The following RETREG1 variants were observed in gnomAD, a reference collection of about 807,000 sequenced individuals.
RETREG1 encodes the protein reticulophagy regulator 1, also known as family with sequence similarity 134 member B.
RETREG1 carries 44 observed loss-of-function variants against 54.8 expected under a neutral mutation model. That is an observed-to-expected ratio of 0.80 (90% CI 0.63 to 1.03). The LOEUF (loss-of-function observed/expected upper bound fraction) is 1.03. RETREG1 is among the 50% of genes least tolerant of loss of function. RETREG1 has a pLI of 0.00. For missense variants in RETREG1, 554 were observed against 605.1 expected, an observed-to-expected ratio of 0.92 and a Z score of 0.89; for synonymous variants, 217 against 238.5, an observed-to-expected ratio of 0.91 and a Z score of 0.83.
rs371722675 is a variant in RETREG1, at chr5:16,479,875, T to C, written c.671-888A>G. 7.9e-5 allele frequency among the ~76,000 whole-genome samples: 12 copies of C among 152,210 alleles called. No homozygotes were observed. The East Asian group carries it at 1.5e-3, about 20-fold the overall frequency. Reference sequence around the variant, plus strand: ...AGAAAAATTGGAAAATATGGGGGTATGTTAAGTGGAGAGTGCCTGCCCCAT... The same window carrying C: ...AGAAAAATTGGAAAATATGGGGGTACGTTAAGTGGAGAGTGCCTGCCCCAT... On this transcript the variant is annotated intron_variant, in intron 5 of 8. Coordinates refer to ENST00000306320, the MANE Select transcript of RETREG1 (RefSeq NM_001034850.3).
Position 16,616,822 on chromosome 5 carries a change from C to G in RETREG1, c.150G>C (p.Ala50=). 1 of 1,516,822 alleles carries G rather than the reference C, an allele frequency of 6.6e-7. No homozygotes were observed. Among genetic ancestry groups the G allele is most frequent in the Non-Finnish European group, 8.8e-7 (1 of 1,139,768 alleles). The allele number at this position is 1,516,822 out of a possible 1,614,324, so 94.0% of individuals were successfully genotyped here. A position where few individuals can be genotyped will look rare whatever the true frequency, so the allele number is the denominator to read the frequency against. The change falls in exon 1 of 9, where the codon GCG becomes GCC. Residue 50 remains alanine (A), a synonymous_variant. Transcript: ENST00000306320. ...QEEEAQEAGA[A]EGAGLQVEEA... Reference sequence around the variant, plus strand: ...CCTCCACCTGCAACCCCGCGCCCTCCGCCGCCCCAGCTTCCTGCGCTTCCT... The same window carrying G: ...CCTCCACCTGCAACCCCGCGCCCTCGGCCGCCCCAGCTTCCTGCGCTTCCT...
chr5:16,604,538 C>T (rs940656763), intron 1 of RETREG1, among the ~76,000 whole-genome samples: 4 of 152,110 alleles, frequency 2.6e-5, no homozygotes, highest in South Asian at 2.1e-4. Context: ...CAATGCTTTA[C>T]CTAGAAACTC....
At chr5:16,562,691 T>C (rs1741891553) in intron 3 of RETREG1, among the ~76,000 whole-genome samples, 1 of 152,108 alleles carries the variant, frequency 6.6e-6, no homozygotes, top group Non-Finnish European at 1.5e-5. Flanking sequence ...AATCTAATCA[T>C]GAGAAAAACA....
chr5:16,510,130 C>T (rs564739651), intron 3 of RETREG1, among the ~76,000 whole-genome samples: 119 of 152,322 alleles, frequency 7.8e-4, no homozygotes, highest in African/African-American at 2.8e-3. Flanking sequence ...GTGAAAGTGA[C>T]TTTCTACCAC....
intron 2 of RETREG1, among the ~76,000 whole-genome samples, chr5:16,570,487 G>A (rs1742144541): frequency 6.6e-6 from 1 of 152,194 alleles, no homozygotes; most frequent in Non-Finnish European, 1.5e-5. Flanking sequence ...AAAACACTCA[G>A]ATGCTCAGCT....
intron 3 of RETREG1, among the ~76,000 whole-genome samples, chr5:16,532,690 T>C (rs1740948675): frequency 6.6e-6 from 1 of 152,246 alleles, no homozygotes; most frequent in Non-Finnish European, 1.5e-5. Flanking sequence ...GTGAGCACAG[T>C]GTAAGTCAGT....
chr5:16,553,764 G>GT (rs899520090), intron 3 of RETREG1, among the ~76,000 whole-genome samples: 7 of 151,858 alleles, frequency 4.6e-5, no homozygotes, highest in Non-Finnish European at 1.5e-5. Context: ...ATTTTATTAT[G>GT]TTTTACAACT....
chr5:16,561,866 G>A lies in RETREG1; in HGVS notation c.458+3897C>T, dbSNP rs943612577. Among the ~76,000 whole-genome samples the A allele has an allele frequency of 1.3e-5, 2 of 152,212 alleles. No homozygotes were observed. Among genetic ancestry groups the A allele is most frequent in the African/African-American group, 2.4e-5 (1 of 41,466 alleles). On this transcript the variant is annotated intron_variant, in intron 3 of 8. Transcript: ENST00000306320. The surrounding 1 kb of genome is among the most constrained non-coding windows in gnomAD (Gnocchi z 4.2). Reference sequence around the variant, plus strand: ...CCTTGACCAGTCAAACTGAGTCTCAGTAAATCTGAAAGAACCCTGAGTCAA... The same window carrying A: ...CCTTGACCAGTCAAACTGAGTCTCAATAAATCTGAAAGAACCCTGAGTCAA...
chr5:16,575,224 T>G (rs948306593), intron 1 of RETREG1, among the ~76,000 whole-genome samples: 2 of 152,200 alleles, frequency 1.3e-5, no homozygotes, highest in Non-Finnish European at 2.9e-5. Flanking sequence ...TCAATTCTAT[T>G]ACGCGTTTAA....
At chr5:16,488,900 C>T (rs1308872102) in intron 3 of RETREG1, among the ~76,000 whole-genome samples, 7 of 151,952 alleles carry the variant, frequency 4.6e-5, no homozygotes, top group Admixed American at 3.9e-4. Flanking sequence ...TTGCCCAACA[C>T]GGTGAAACCC....
chr5:16,553,826 G>T (rs1741612751), intron 3 of RETREG1, among the ~76,000 whole-genome samples: 1 of 152,030 alleles, frequency 6.6e-6, no homozygotes, highest in Admixed American at 6.6e-5. Flanking sequence ...TCACTAACAT[G>T]TACCTAAGGA....
chr5:16,580,211 C>T (rs1006521404), intron 1 of RETREG1, among the ~76,000 whole-genome samples: 2 of 152,158 alleles, frequency 1.3e-5, no homozygotes, highest in African/African-American at 2.4e-5. Flanking sequence ...GTCATCAGTC[C>T]TCATCCACAC....
intron 3 of RETREG1, among the ~76,000 whole-genome samples, chr5:16,514,074 C>T (rs2126571301): frequency 6.6e-6 from 1 of 152,240 alleles, no homozygotes; most frequent in South Asian, 2.1e-4. Flanking sequence ...GGTCAAAACA[C>T]AAAAATTATT....
intron 3 of RETREG1, among the ~76,000 whole-genome samples, chr5:16,528,207 T>C (rs1740783310): frequency 6.6e-6 from 1 of 152,148 alleles, no homozygotes; most frequent in Non-Finnish European, 1.5e-5. Context: ...TTAGTGTCAA[T>C]AAACCTGGCA....
chr5:16,565,114 C>T (rs1032701444), intron 3 of RETREG1, among the ~76,000 whole-genome samples: 4 of 152,200 alleles, frequency 2.6e-5, no homozygotes, highest in African/African-American at 9.6e-5. Flanking sequence ...GCCTCTCATA[C>T]ACCCAGTTGG....
intron 3 of RETREG1, among the ~76,000 whole-genome samples, chr5:16,504,920 G>A (rs1561093697): frequency 1.3e-5 from 2 of 152,222 alleles, no homozygotes; most frequent in Middle Eastern, 6.8e-3. Context: ...TCAACAATAG[G>A]CTTTGTCAAC....
At chr5:16,606,343 T>C (rs1743190798) in intron 1 of RETREG1, among the ~76,000 whole-genome samples, 1 of 152,064 alleles carries the variant, frequency 6.6e-6, no homozygotes, top group African/African-American at 2.4e-5. Context: ...CTGTGGTAAT[T>C]CAATCTCCCC....
At chr5:16,503,751 A>T (rs1739827646) in intron 3 of RETREG1, among the ~76,000 whole-genome samples, 1 of 152,132 alleles carries the variant, frequency 6.6e-6, no homozygotes. Flanking sequence ...ATACCTTAGG[A>T]ATATATAAAT....
intron 1 of RETREG1, among the ~76,000 whole-genome samples, chr5:16,609,521 C>G (rs1290926580): frequency 1.3e-5 from 2 of 152,164 alleles, no homozygotes; most frequent in Non-Finnish European, 2.9e-5. Context: ...GAAATTCTAT[C>G]TCAGGCTGTG....
Sources: gnomAD v4.1 joint callset for allele counts (sites outside exome capture counted in the v4.1 genomes callset) on GRCh38, gnomAD v4.1.1 for gene constraint, Gnocchi (gnomAD v3.1) non-coding constraint, MANE v1.5 for transcripts, NCBI Gene and HGNC (gene_info 2026-07-23, HGNC 2026-07-21) for gene names.